Variants in TRIM52 observed in about 807,000 individuals in gnomAD.
TRIM52 encodes E3 ubiquitin-protein ligase TRIM52.
TRIM52 carries 24 observed loss-of-function variants against 27.0 expected under a neutral mutation model. The ratio of observed to expected loss-of-function variants is 0.89; its 90% CI spans 0.64 to 1.25. The LOEUF is 1.25. Among genes scored for constraint, TRIM52 ranks in the 50% most tolerant of loss-of-function variants. The pLI is 0.00. For missense variants in TRIM52, 351 were observed against 354.7 expected (o/e 0.99, Z 0.08); for synonymous variants, 125 against 126.5 (o/e 0.99, Z 0.08).
chr5:181,254,167 G>A (rs113370222), downstream of TRIM52, among the ~76,000 whole-genome samples: 38 of 138,222 alleles, frequency 2.7e-4, 1 homozygote, highest in Non-Finnish European at 4.8e-4. Flanking sequence ...GCGGGCGCCT[G>A]TAGTCCCAGC....
downstream of TRIM52, among the ~76,000 whole-genome samples, chr5:181,251,695 A>G (rs1582307794): frequency 6.6e-6 from 1 of 151,750 alleles, no homozygotes; most frequent in African/African-American, 2.4e-5. Flanking sequence ...ACACTTGAGG[A>G]CTCTCTGGTT....
chr5:181,249,498 A>AC (rs1759590013), downstream of TRIM52, among the ~76,000 whole-genome samples: 1 of 151,912 alleles, frequency 6.6e-6, no homozygotes. Context: ...ACACAGTGAG[A>AC]CCCCATCGCT....
intron 1 of TRIM52, 176 bp from the exon 2 acceptor site, chr5:181,257,035 A>G: frequency 3.0e-6 from 3 of 993,012 alleles, no homozygotes; most frequent in Non-Finnish European, 3.6e-6. Context: ...TGGCAGGACA[A>G]TCCAGGCATC....
downstream of TRIM52, among the ~76,000 whole-genome samples, chr5:181,250,489 T>C (rs1295144405): frequency 6.6e-6 from 1 of 151,704 alleles, no homozygotes. Context: ...TGAGCCGAGA[T>C]TGCGTCACCG....
At chr5:181,257,847 G>C (rs1027457906) in intron 1 of TRIM52, 1 of 162,328 alleles carries the variant, frequency 6.2e-6, no homozygotes, top group Non-Finnish European at 1.3e-5. Flanking sequence ...AAAATTAGCT[G>C]GGCATGGTGG....
At position 181,255,983 on chromosome 5, in the gene TRIM52, G is replaced by A. The variant is rs148748297; in HGVS notation, c.*826C>T. On this transcript the variant is annotated 3_prime_UTR_variant, in exon 2 of 2. Coordinates refer to ENST00000688015, the MANE Select transcript of TRIM52 (RefSeq NM_001346048.2). ...TGGCATTTAGATCTTCAAAAAGCAG[G>A]GCAAACTGGAATGGAATGTACTGTT... 1.1e-4 allele frequency: 16 copies of A among 152,268 alleles called. No homozygotes were observed. The highest frequency in any genetic ancestry group is 1.9e-4 in the Non-Finnish European group (13 of 68,012). The allele number at this position is 152,268 out of a possible 1,614,324, so 9.4% of individuals were successfully genotyped here.
chr5:181,260,423 C>T lies in TRIM52; in HGVS notation c.391G>A (p.Asp131Asn), dbSNP rs777779173. ...AAGCCTCCTAGGTAATAGTCCTGATCTTCCTCTTCTTCTTCTTCCTCCTCG... is the reference window on the plus strand; with the variant it reads ...AAGCCTCCTAGGTAATAGTCCTGATTTTCCTCTTCTTCTTCTTCCTCCTCG... Reference protein sequence around the residue: ...WDEEEEEEEEDQDYYLGGLRP... With the variant: ...WDEEEEEEEENQDYYLGGLRP... Residue 131 changes from aspartate (D) to asparagine (N), a missense_variant, in exon 1 of 2, where the codon GAT (aspartate) becomes AAT (asparagine). Coordinates refer to ENST00000688015, the MANE Select transcript of TRIM52 (RefSeq NM_001346048.2). This position sits in a 1 kb window ranked among gnomAD's most constrained non-coding sequence, Gnocchi z 4.4. The T allele has an allele frequency of 2.5e-6, 4 of 1,576,002 alleles. No homozygotes were observed. The African/African-American group carries it at 6.3e-5, about 25-fold the overall frequency.
chr5:181,259,958 T>G (rs1171068038), intron 1 of TRIM52, 43 bp downstream of exon 1: 2 of 1,612,320 alleles, frequency 1.2e-6, no homozygotes, highest in Admixed American at 3.3e-5. Flanking sequence ...CCTAGTTACC[T>G]TTCCACTCCC....
At chr5:181,259,640 C>T (rs1235607874) in intron 1 of TRIM52, 1 of 345,156 alleles carries the variant, frequency 2.9e-6, no homozygotes, top group East Asian at 7.1e-5. Context: ...CTATCTGTAC[C>T]TGTCCCAGGG....
rs1234893775 is a variant in TRIM52, at chr5:181,256,566, AGAT to A, written c.*240_*242del. On this transcript the variant is annotated 3_prime_UTR_variant, in exon 2 of 2. Transcript: ENST00000688015. ...AATTCAGAGTTAAGACTGCAGAAGT[AGAT>A]GAAGAAATTCTGGAATTCCTTAATT... The A allele has an allele frequency of 6.5e-6, 1 of 154,196 alleles. No individual in the cohort carries two copies. Among genetic ancestry groups the A allele is most frequent in the South Asian group, 2.1e-4 (1 of 4,860 alleles). The allele number at this position is 154,196 out of a possible 1,614,324, so 9.6% of individuals were successfully genotyped here. A position where few individuals can be genotyped will look rare whatever the true frequency, so the allele number is the denominator to read the frequency against.
rs1223448995 is a variant in TRIM52 at position 181,260,854 on chromosome 5, C to G, written c.-41G>C. 2 of 1,540,588 alleles carry G rather than the reference C, an allele frequency of 1.3e-6. No homozygotes were observed. Among genetic ancestry groups the G allele is most frequent in the South Asian group, 2.5e-5 (2 of 79,594 alleles). Reference sequence around the variant, plus strand: ...CAGGTGTAGATACGTCAGCTTGGAGCTGAGGAGCGGGGACGCGCCTGCAGG... The same window carrying G: ...CAGGTGTAGATACGTCAGCTTGGAGGTGAGGAGCGGGGACGCGCCTGCAGG... On this transcript the variant is annotated 5_prime_UTR_variant, in exon 1 of 2. Transcript: ENST00000688015. The surrounding 1 kb of genome is among the most constrained non-coding windows in gnomAD (Gnocchi z 4.4).
At chr5:181,259,839 A>T in intron 1 of TRIM52, 162 bp downstream of exon 1, 1 of 1,468,240 alleles carries the variant, frequency 6.8e-7, no homozygotes. Context: ...CTCCTTTTTT[A>T]CCCATATGAC....
intron 1 of TRIM52, chr5:181,258,957 G>A (rs1018558569): frequency 2.6e-5 from 4 of 152,216 alleles, no homozygotes; most frequent in Non-Finnish European, 4.4e-5. Context: ...ACTAAGACGT[G>A]AGCAGCGGCT....
In TRIM52 at chr5:181,260,031, C is replaced by T. The variant is rs1036648078; in HGVS notation, c.783G>A (p.Leu261=). Residue 261 remains leucine (L), a synonymous_variant, in exon 1 of 2, where the codon CTG becomes CTA. Transcript: ENST00000688015. The surrounding 1 kb of genome is among the most constrained non-coding windows in gnomAD (Gnocchi z 4.4). ...ACTCCTGCACCACCTCCTCCAAAGG[C>T]AGCACGCTGTGCTGTTTGTGGCTCC... ...ESRSHKQHSV[L]PLEEVVQEYQ... The T allele has an allele frequency of 3.1e-6, 5 of 1,614,000 alleles. No individual in the cohort carries two copies. Among genetic ancestry groups the T allele is most frequent in the Non-Finnish European group, 4.2e-6 (5 of 1,180,058 alleles).
chr5:181,259,911 G>T (rs1227109908), intron 1 of TRIM52, 90 bp downstream of exon 1: 2 of 1,599,690 alleles, frequency 1.3e-6, no homozygotes, highest in Non-Finnish European at 1.7e-6. Flanking sequence ...AAGTACCTGA[G>T]GAGGTGGGAA....
In TRIM52 at chr5:181,256,178, A is replaced by G. The variant is rs1759767837; in HGVS notation, c.*631T>C. 6.6e-6 allele frequency: 1 copy of G among 152,164 alleles called. No individual in the cohort carries two copies. Among genetic ancestry groups the G allele is most frequent in the Non-Finnish European group, 1.5e-5 (1 of 68,038 alleles). 9.4% of individuals were successfully genotyped at this position (152,164 alleles called of 1,614,324 possible). On this transcript the variant is annotated 3_prime_UTR_variant, in exon 2 of 2. Coordinates refer to ENST00000688015, the MANE Select transcript of TRIM52 (RefSeq NM_001346048.2). ...CACAGTTTGCTGTAGTGCCATTAAG[A>G]TATACTCCTATACAATTTCCTCCAA...
downstream of TRIM52, among the ~76,000 whole-genome samples, chr5:181,254,054 G>T (rs1458140149): frequency 1.4e-5 from 2 of 141,734 alleles, 1 homozygote; most frequent in Non-Finnish European, 3.0e-5. Context: ...ACTTTGGGAG[G>T]CCGAGGCGGG....
Position 181,260,716 on chromosome 5 carries a change from A to G in TRIM52, c.98T>C (p.Ile33Thr). ...CLDYFKDPVS[I>T]SCGHNFCRGC... Reference sequence around the variant, plus strand: ...TCGGCAGAAGTTGTGCCCACAGCTGATGGACACGGGGTCCTTGAAGTAATC... The same window carrying G: ...TCGGCAGAAGTTGTGCCCACAGCTGGTGGACACGGGGTCCTTGAAGTAATC... The change falls in exon 1 of 2, where the codon ATC becomes ACC. Residue 33 changes from isoleucine (I) to threonine (T), a missense_variant. By Grantham distance (89) the Ile-to-Thr change is moderately conservative. Coordinates refer to ENST00000688015, the MANE Select transcript of TRIM52 (RefSeq NM_001346048.2). The surrounding 1 kb of genome is among the most constrained non-coding windows in gnomAD (Gnocchi z 4.4). 4.3e-6 allele frequency: 7 copies of G among 1,613,924 alleles called. No individual in the cohort carries two copies. Among genetic ancestry groups the G allele is most frequent in the Non-Finnish European group, 5.1e-6 (6 of 1,180,000 alleles).
At chr5:181,259,818 TG>T in intron 1 of TRIM52, 182 bp downstream of exon 1, 1 of 1,371,962 alleles carries the variant, frequency 7.3e-7, no homozygotes, top group Non-Finnish European at 9.7e-7. Flanking sequence ...CCAATCTTCA[TG>T]GTTTTGTGTC....
Sources: allele counts gnomAD v4.1 joint callset (sites outside exome capture counted in the v4.1 genomes callset), GRCh38; gene constraint gnomAD v4.1.1; non-coding constraint Gnocchi (gnomAD v3.1); transcripts MANE v1.5; gene names NCBI Gene and HGNC (gene_info 2026-07-23, HGNC 2026-07-21).